Variants in RAB43 observed in about 807,000 individuals in gnomAD.
RAB43 encodes ras-related protein Rab-43.
In RAB43, 6 loss-of-function variants were observed where a neutral mutation model predicts 18.8. The observed-to-expected ratio is 0.32, with a 90% CI of 0.17 to 0.63. The LOEUF is 0.63. Ranked by LOEUF, RAB43 falls within the 30% of genes least tolerant of loss-of-function variation. The pLI is 0.79. For missense variants in RAB43, 195 were observed against 289.1 expected, an observed-to-expected ratio of 0.67 and a Z score of 2.36; for synonymous variants, 103 against 124.1, an observed-to-expected ratio of 0.83 and a Z score of 1.13.
intron 2 of RAB43, among the ~76,000 whole-genome samples, chr3:129,094,284 G>A (rs937422434): frequency 3.3e-5 from 5 of 152,136 alleles, no homozygotes; most frequent in Non-Finnish European, 7.4e-5. Context: ...GAAAGCCACA[G>A]ACTTGAGGTC....
At position 129,090,163 on chromosome 3, in the gene RAB43, C is replaced by T. The variant is rs1406386928; in HGVS notation, c.*933G>A. The T allele has an allele frequency of 1.3e-5, 2 of 152,178 alleles. No homozygotes were observed. Among genetic ancestry groups the T allele is most frequent in the Non-Finnish European group, 2.9e-5 (2 of 68,114 alleles). 9.4% of individuals were successfully genotyped at this position (152,178 alleles called of 1,614,324 possible). A position where few individuals can be genotyped will look rare whatever the true frequency, so the allele number is the denominator to read the frequency against. On this transcript the variant is annotated 3_prime_UTR_variant, in exon 3 of 3. Coordinates refer to ENST00000315150, the MANE Select transcript of RAB43 (RefSeq NM_198490.3). ...CCTCTCCTTTTTTGTCTGGGAGACT[C>T]GATTCCATAGACTGGGACCCACGCT...
intron 1 of RAB43, among the ~76,000 whole-genome samples, chr3:129,120,284 G>A (rs1935821906): frequency 6.6e-6 from 1 of 152,134 alleles, no homozygotes; most frequent in South Asian, 2.1e-4. Context: ...AGGCAACAAG[G>A]AGCAGGCCTA....
intron 1 of RAB43, among the ~76,000 whole-genome samples, chr3:129,119,007 G>T (rs1935727412): frequency 6.6e-6 from 1 of 152,212 alleles, no homozygotes; most frequent in Non-Finnish European, 1.5e-5. Context: ...AAGAACAAAA[G>T]AACTTTCTGG....
rs752767007 is a variant in RAB43, at chr3:129,091,351, G to A, written c.389-5C>T. 1.6e-5 allele frequency: 25 copies of A among 1,608,414 alleles called. No individual in the cohort carries two copies. In the East Asian group the frequency reaches 3.1e-4, roughly 20 times the overall value. ...CGCTGAGGTCTGACTTGTTCCCTGC[G>A]GAGGAAAGCCGGGGCAGCATGAGGC... On this transcript the variant is annotated splice_region_variant and splice_polypyrimidine_tract_variant and intron_variant, in intron 2 of 2. Transcript: ENST00000315150.
chr3:129,090,874 GCC>G lies in RAB43; in HGVS notation c.*220_*221del. The G allele has an allele frequency of 2.2e-6, 1 of 448,068 alleles. No individual in the cohort carries two copies. 27.8% of individuals were successfully genotyped at this position (448,068 alleles called of 1,614,324 possible). On this transcript the variant is annotated 3_prime_UTR_variant, in exon 3 of 3. Transcript: ENST00000315150. ...TCTTGGAATGTGAAGATGGTGGAGG[GCC>G]AGCTGCTGGCTGGCAGGGTGGCCCG...
chr3:129,116,167 G>A (rs958467112), intron 1 of RAB43, among the ~76,000 whole-genome samples: 7 of 152,150 alleles, frequency 4.6e-5, no homozygotes, highest in Non-Finnish European at 2.9e-5. Context: ...TCTATATAGC[G>A]TTCAGTACCA....
At chr3:129,092,565 A>G in intron 2 of RAB43, 1 of 693,122 alleles carries the variant, frequency 1.4e-6, no homozygotes, top group East Asian at 2.7e-5. Flanking sequence ...GTTCAAGATC[A>G]GCCTGGGCAA....
chr3:129,098,292 G>T (rs1429047774), intron 1 of RAB43, among the ~76,000 whole-genome samples: 1 of 152,190 alleles, frequency 6.6e-6, no homozygotes, highest in African/African-American at 2.4e-5. Context: ...TTTGGAGGTT[G>T]AGTTCTGCCA....
intron 1 of RAB43, among the ~76,000 whole-genome samples, chr3:129,106,082 G>C (rs1043103070): frequency 3.3e-5 from 5 of 152,212 alleles, no homozygotes; most frequent in African/African-American, 1.2e-4. Flanking sequence ...TTCCCACTGA[G>C]TGAGTTCAGA....
intron 2 of RAB43, among the ~76,000 whole-genome samples, chr3:129,093,970 C>A (rs753328496): frequency 3.3e-5 from 5 of 152,150 alleles, no homozygotes; most frequent in Non-Finnish European, 5.9e-5. Flanking sequence ...GGGGTGAGGA[C>A]CCCAGGGATA....
At chr3:129,109,326 C>T (rs4927944) in intron 1 of RAB43, among the ~76,000 whole-genome samples, 118,006 of 150,760 alleles carry the variant, frequency 0.78, 51,609 homozygotes, top group Non-Finnish European at 0.97. Context: ...AGGAGAATGG[C>T]GTGAACCTGG....
chr3:129,117,951 G>A (rs1405681770), intron 1 of RAB43, among the ~76,000 whole-genome samples: 1 of 152,174 alleles, frequency 6.6e-6, no homozygotes, highest in African/African-American at 2.4e-5. Context: ...CTTCTATAGG[G>A]GCAGACAGAA....
chr3:129,095,731 T>C lies in RAB43; in HGVS notation c.205-562A>G, dbSNP rs528356163. 6.6e-6 allele frequency among the ~76,000 whole-genome samples: 1 copy of C among 152,156 alleles called. No homozygotes were observed. The highest frequency in any genetic ancestry group is 2.4e-5 in the African/African-American group (1 of 41,420). ...CATGGGGCCTTTAAGTACAAGGCAG[T>C]TTCCACCAGCTGACCCAGCTTGGCC... is the stretch of plus-strand genomic sequence containing the variant. On this transcript the variant is annotated intron_variant, in intron 1 of 2. Transcript: ENST00000315150. The surrounding 1 kb of genome is among the most constrained non-coding windows in gnomAD (Gnocchi z 4.2).
intron 1 of RAB43, among the ~76,000 whole-genome samples, chr3:129,097,176 G>A (rs1253222468): frequency 1.3e-5 from 2 of 152,078 alleles, no homozygotes; most frequent in Non-Finnish European, 2.9e-5. Context: ...AGGATAATCA[G>A]AGTTTCAGAA....
intron 1 of RAB43, among the ~76,000 whole-genome samples, chr3:129,097,808 C>T (rs943668134): frequency 3.3e-5 from 5 of 152,002 alleles, no homozygotes; most frequent in South Asian, 2.1e-4. Flanking sequence ...ATGAGGCTGT[C>T]GTTTTTGGAA....
chr3:129,098,285 G>A (rs1306627134), intron 1 of RAB43, among the ~76,000 whole-genome samples: 1 of 152,174 alleles, frequency 6.6e-6, no homozygotes, highest in African/African-American at 2.4e-5. Context: ...CCTTGGGTTT[G>A]GAGGTTGAGT....
intron 2 of RAB43, 142 bp from the exon 3 acceptor site, chr3:129,091,488 T>C (rs1933649189): frequency 8.6e-7 from 1 of 1,166,120 alleles, no homozygotes; most frequent in South Asian, 1.7e-5. Context: ...CTGTCTTTCT[T>C]TAAAAAACCT....
At chr3:129,091,854 T>C (rs957975477) in intron 2 of RAB43, among the ~76,000 whole-genome samples, 2 of 150,616 alleles carry the variant, frequency 1.3e-5, no homozygotes, top group African/African-American at 2.4e-5. Context: ...TCACCTGAGG[T>C]TGGAAGTTCA....
In RAB43 at chr3:129,119,626, C is replaced by T. The variant is rs182670231; in HGVS notation, c.204+1660G>A. Reference sequence around the variant, plus strand: ...AGAGGTGTTTACCACAGCTACACAGCTCTTCTGCTCCCTGGGCCCCGGGCT... The same window carrying T: ...AGAGGTGTTTACCACAGCTACACAGTTCTTCTGCTCCCTGGGCCCCGGGCT... On this transcript the variant is annotated intron_variant, in intron 1 of 2. Transcript: ENST00000315150. 2.2e-4 allele frequency among the ~76,000 whole-genome samples: 33 copies of T among 152,282 alleles called. 1 individual carries two copies. In the East Asian group the frequency reaches 6.4e-3, roughly 29 times the overall value.
Sources: gnomAD v4.1 joint callset for allele counts (sites outside exome capture counted in the v4.1 genomes callset) on GRCh38, gnomAD v4.1.1 for gene constraint, Gnocchi (gnomAD v3.1) non-coding constraint, MANE v1.5 for transcripts, NCBI Gene and HGNC (gene_info 2026-07-23, HGNC 2026-07-21) for gene names.